SWT1: variants seen among roughly 807,000 people sequenced by gnomAD.
The protein encoded by SWT1 is transcriptional protein SWT1.
A neutral mutation model predicts 107.3 loss-of-function variants in SWT1; 33 were observed. The ratio of observed to expected loss-of-function variants is 0.31; its 90% CI spans 0.23 to 0.41. The LOEUF is 0.41. Ranked by LOEUF, SWT1 falls within the 10% of genes least tolerant of loss-of-function variation. SWT1 has a pLI of 1.00. For missense variants in SWT1, 898 were observed against 1,028.9 expected (o/e 0.87, Z 1.74); for synonymous variants, 345 against 348.3 (o/e 0.99, Z 0.11).
At chr1:185,226,754 C>A in intron 15 of SWT1, 6 of 558,918 alleles carry the variant, frequency 1.1e-5, no homozygotes, top group Non-Finnish European at 1.7e-5. Flanking sequence ...TTTTTGCTGT[C>A]CATAAGTTTA....
intron 18 of SWT1, among the ~76,000 whole-genome samples, chr1:185,288,688 A>C (rs1224970100): frequency 1.3e-5 from 2 of 152,176 alleles, no homozygotes; most frequent in African/African-American, 4.8e-5. Flanking sequence ...TTGAATACTT[A>C]ACATGCCAGA....
At chr1:185,178,597 G>A (rs934642413) in intron 5 of SWT1, among the ~76,000 whole-genome samples, 4 of 152,152 alleles carry the variant, frequency 2.6e-5, no homozygotes, top group Non-Finnish European at 4.4e-5. Flanking sequence ...TGGATTGTTC[G>A]GTGGTGGAAA....
chr1:185,193,448 C>T (rs909518892), intron 10 of SWT1, among the ~76,000 whole-genome samples: 1 of 150,298 alleles, frequency 6.7e-6, no homozygotes, highest in Non-Finnish European at 1.5e-5. Flanking sequence ...TATAACCTTA[C>T]TGGCCTACTT....
At chr1:185,176,977 C>A in intron 5 of SWT1, 4 of 890,756 alleles carry the variant, frequency 4.5e-6, no homozygotes, top group Non-Finnish European at 5.3e-6. Flanking sequence ...GAGCAAGACT[C>A]CGTCTTAAAA....
rs1015857178 is a variant in SWT1, at chr1:185,160,892, C to T, written c.51C>T (p.Asp17=). ...CGKKETSQRK[D]TTTSSPNFGE... ...AAAAAGAGACATCTCAGAGGAAAGA[C>T]ACCACCACCTCATCACCCAATTTTG... The change falls in exon 2 of 19, where the codon GAC becomes GAT. Residue 17 remains aspartate (D), a synonymous_variant. Coordinates refer to ENST00000367500, the MANE Select transcript of SWT1 (RefSeq NM_017673.7). The T allele has an allele frequency of 3.7e-6, 6 of 1,613,022 alleles. No individual in the cohort carries two copies. In the African/African-American group the frequency reaches 5.3e-5, roughly 14 times the overall value.
intron 10 of SWT1, among the ~76,000 whole-genome samples, chr1:185,198,044 A>G (rs1657544727): frequency 6.6e-6 from 1 of 152,094 alleles, no homozygotes; most frequent in Non-Finnish European, 1.5e-5. Flanking sequence ...TGTCAATTTT[A>G]GATCTTTCCT....
intron 16 of SWT1, among the ~76,000 whole-genome samples, chr1:185,244,549 T>TG (rs1414090219): frequency 2.0e-5 from 3 of 152,080 alleles, no homozygotes. Flanking sequence ...GGAGTGGAAG[T>TG]GCTCTGGGTG....
At chr1:185,184,383 CT>C (rs757827766) in intron 8 of SWT1, 39 bp downstream of exon 8, 1 of 1,209,736 alleles carries the variant, frequency 8.3e-7, no homozygotes, top group South Asian at 1.3e-5. Flanking sequence ...GATTTTCTTC[CT>C]TGAGTTGATA....
intron 18 of SWT1, among the ~76,000 whole-genome samples, chr1:185,286,495 A>G (rs1664957687): frequency 6.6e-6 from 1 of 152,150 alleles, no homozygotes; most frequent in Non-Finnish European, 1.5e-5. Context: ...AAGTGCTGGG[A>G]TTACAGGCAT....
At chr1:185,272,856 T>C (rs557395407) in intron 17 of SWT1, among the ~76,000 whole-genome samples, 2 of 151,976 alleles carry the variant, frequency 1.3e-5, no homozygotes, top group African/African-American at 4.8e-5. Flanking sequence ...GGCAACACAG[T>C]GAGACCCCAT....
chr1:185,258,770 CATAAT>C lies in SWT1; in HGVS notation c.2442-12549_2442-12545del, dbSNP rs575763695. On this transcript the variant is annotated intron_variant, in intron 16 of 18. Coordinates refer to ENST00000367500, the MANE Select transcript of SWT1 (RefSeq NM_017673.7). ...GTATGTTTTGTGTTTACAATTCTAT[CATAAT>C]ATATCTGGGTATGGATTTTGTTTTG... 1.2e-4 allele frequency among the ~76,000 whole-genome samples: 19 copies of C among 152,086 alleles called. 1 individual carries two copies. In the South Asian group the frequency reaches 3.9e-3, roughly 32 times the overall value.
intron 16 of SWT1, among the ~76,000 whole-genome samples, chr1:185,249,712 T>G (rs562792231): frequency 1.3e-5 from 2 of 152,048 alleles, no homozygotes; most frequent in Non-Finnish European, 2.9e-5. Context: ...AGGAAGTCAC[T>G]AGCAGTTCTA....
intron 17 of SWT1, among the ~76,000 whole-genome samples, chr1:185,272,216 T>C (rs1041155198): frequency 2.6e-5 from 4 of 152,246 alleles, no homozygotes; most frequent in African/African-American, 9.6e-5. Flanking sequence ...AGAACTATAA[T>C]GAGGCTTCAG....
rs564241086 is a variant in SWT1 at position 185,173,518 on chromosome 1, C to A, written c.225-854C>A. 7.8e-4 allele frequency among the ~76,000 whole-genome samples: 105 copies of A among 135,232 alleles called. 4 individuals carry two copies. The South Asian group carries it at 0.024, about 31-fold the overall frequency. 88.7% of individuals were successfully genotyped at this position (135,232 alleles called of 152,430 possible). On this transcript the variant is annotated intron_variant, in intron 4 of 18. Transcript: ENST00000367500. The stretch of plus-strand genomic sequence containing the variant: ...GACCAGCCTGGGCAACATGGTGAAA[C>A]CCTGTCTCTACCAAAAAAAAAAAAA...
chr1:185,191,804 C>CA (rs1656971865), intron 10 of SWT1, among the ~76,000 whole-genome samples: 3 of 152,060 alleles, frequency 2.0e-5, no homozygotes, highest in Non-Finnish European at 4.4e-5. Flanking sequence ...ATTAAATTGA[C>CA]AAAACTTTAT....
intron 14 of SWT1, among the ~76,000 whole-genome samples, chr1:185,216,662 ATTGAC>A (rs960911926): frequency 2.6e-4 from 40 of 152,184 alleles, no homozygotes; most frequent in African/African-American, 9.6e-4. Flanking sequence ...ACTTAAAAGT[ATTGAC>A]TTGACTGGGC....
intron 5 of SWT1, among the ~76,000 whole-genome samples, chr1:185,179,271 AAAAAG>A (rs998948845): frequency 2.0e-5 from 3 of 152,228 alleles, no homozygotes; most frequent in Non-Finnish European, 4.4e-5. Context: ...TCTGTCTCAA[AAAAAG>A]AAAAGAAGAG....
chr1:185,253,777 T>A (rs1223804930), intron 16 of SWT1, among the ~76,000 whole-genome samples: 2 of 151,856 alleles, frequency 1.3e-5, no homozygotes, highest in Non-Finnish European at 2.9e-5. Flanking sequence ...TATTTCCTTC[T>A]CCTGCCTAAT....
chr1:185,218,468 C>T (rs1558049325), intron 14 of SWT1, among the ~76,000 whole-genome samples: 1 of 152,072 alleles, frequency 6.6e-6, no homozygotes, highest in Non-Finnish European at 1.5e-5. Context: ...TGCCACAATG[C>T]TGAGCTAATT....
Sources: gnomAD v4.1 joint callset for allele counts (sites outside exome capture counted in the v4.1 genomes callset) on GRCh38, gnomAD v4.1.1 for gene constraint, MANE v1.5 for transcripts, NCBI Gene and HGNC (gene_info 2026-07-23, HGNC 2026-07-21) for gene names.